SEMA3A: variants seen among roughly 807,000 people sequenced by gnomAD.
SEMA3A encodes the protein semaphorin 3A.
Under a neutral mutation model 97.9 loss-of-function variants are expected in SEMA3A, and 29 were observed. The observed-to-expected ratio is 0.30, with a 90% CI of 0.22 to 0.40. SEMA3A has a LOEUF of 0.40. Among genes scored for constraint, SEMA3A ranks in the 10% least tolerant of loss-of-function variants. The probability of loss-of-function intolerance (pLI) is 1.00; values close to 1 mark genes in which losing one functional copy is unlikely to be tolerated. For synonymous variants in SEMA3A, 321 were observed against 323.7 expected (o/e 0.99, Z 0.09); for missense variants, 763 against 951.3 (o/e 0.80, Z 2.60).
chr7:84,380,273 G>A (rs1803223407), intron 1 of SEMA3A, among the ~76,000 whole-genome samples: 3 of 152,268 alleles, frequency 2.0e-5, no homozygotes, highest in South Asian at 4.1e-4. Flanking sequence ...CAATAAAAAT[G>A]TACATTGTCC....
At chr7:84,352,209 T>A (rs642572) in intron 2 of SEMA3A, among the ~76,000 whole-genome samples, 43,580 of 151,688 alleles carry the variant, frequency 0.29, 6,746 homozygotes, top group African/African-American at 0.38. Context: ...AAAGAGTTGA[T>A]TGACAGTTAC....
chr7:84,476,345 C>G (rs1806280169), intron 1 of SEMA3A, among the ~76,000 whole-genome samples: 1 of 143,732 alleles, frequency 7.0e-6, no homozygotes, highest in African/African-American at 2.6e-5. Context: ...GGTGACAGAG[C>G]AAGACTCCAT....
At chr7:84,137,689 TAAAA>T (rs58880773) in intron 1 of SEMA3A, among the ~76,000 whole-genome samples, 1 of 85,272 alleles carries the variant, frequency 1.2e-5, no homozygotes, top group Admixed American at 1.4e-4. Flanking sequence ...GGCCAAACTT[TAAAA>T]AAAAAAAAAA....
intron 1 of SEMA3A, among the ~76,000 whole-genome samples, chr7:84,373,961 G>A (rs1803036964): frequency 6.6e-6 from 1 of 152,156 alleles, no homozygotes; most frequent in Non-Finnish European, 1.5e-5. Context: ...TAGGTGACAA[G>A]AAGATTAGCA....
At chr7:84,463,202 C>T (rs982929344) in intron 1 of SEMA3A, among the ~76,000 whole-genome samples, 13 of 147,528 alleles carry the variant, frequency 8.8e-5, no homozygotes, top group African/African-American at 3.3e-4. Flanking sequence ...AAAGATTTCA[C>T]CTGCTTATAA....
At chr7:84,221,985 A>G (rs1442909302) in intron 3 of SEMA3A, among the ~76,000 whole-genome samples, 2 of 151,972 alleles carry the variant, frequency 1.3e-5, no homozygotes, top group Non-Finnish European at 2.9e-5. Context: ...GTGAAGCATA[A>G]TAAAACAAGA....
chr7:83,995,462 A>C (rs1211589467), intron 12 of SEMA3A, among the ~76,000 whole-genome samples: 3 of 152,238 alleles, frequency 2.0e-5, no homozygotes. Flanking sequence ...CATTAATTAA[A>C]GGAAACTTAT....
intron 1 of SEMA3A, among the ~76,000 whole-genome samples, chr7:84,490,058 G>GA (rs1485291256): frequency 6.6e-6 from 1 of 151,576 alleles, no homozygotes; most frequent in Non-Finnish European, 1.5e-5. Context: ...CATAATACAT[G>GA]AAAAAATTGT....
chr7:84,404,559 C>A (rs1043312105), intron 1 of SEMA3A, among the ~76,000 whole-genome samples: 2 of 152,120 alleles, frequency 1.3e-5, no homozygotes, highest in African/African-American at 4.8e-5. Flanking sequence ...CAGAGATACT[C>A]CTCGAGAAGA....
intron 5 of SEMA3A, among the ~76,000 whole-genome samples, chr7:84,052,847 T>C (rs895414333): frequency 6.6e-6 from 1 of 151,564 alleles, no homozygotes; most frequent in African/African-American, 2.4e-5. Context: ...CTTGTGGGCA[T>C]TTAGTGCTAT....
At chr7:83,985,395 C>T in intron 13 of SEMA3A, 41 bp downstream of exon 13, 1 of 1,441,176 alleles carries the variant, frequency 6.9e-7, no homozygotes, top group Non-Finnish European at 9.6e-7. Context: ...CCAGAATTAA[C>T]AAAATATTGG....
At chr7:83,993,455 G>A (rs60288102) in intron 12 of SEMA3A, among the ~76,000 whole-genome samples, 4,728 of 149,158 alleles carry the variant, frequency 0.032, 236 homozygotes, top group African/African-American at 0.11. Context: ...GGCTGGTACC[G>A]GTTTTTCCTT....
intron 1 of SEMA3A, among the ~76,000 whole-genome samples, chr7:84,442,175 T>G (rs1170820810): frequency 6.6e-6 from 1 of 152,192 alleles, no homozygotes; most frequent in East Asian, 1.9e-4. Context: ...AATTACAAAA[T>G]TATGTATTTG....
intron 5 of SEMA3A, 21 bp from the exon 6 acceptor site, chr7:84,046,464 A>G (rs746654568): frequency 8.1e-6 from 13 of 1,611,384 alleles, no homozygotes; most frequent in Non-Finnish European, 1.1e-5. Context: ...ACAAAACCAC[A>G]TACACATTCT....
At chr7:84,423,161 C>T (rs1804646346) in intron 1 of SEMA3A, among the ~76,000 whole-genome samples, 1 of 152,012 alleles carries the variant, frequency 6.6e-6, no homozygotes, top group African/African-American at 2.4e-5. Context: ...AAAACATTTT[C>T]TATCAAATAA....
chr7:84,100,951 TC>T (rs1265291692), intron 4 of SEMA3A, among the ~76,000 whole-genome samples: 1 of 152,198 alleles, frequency 6.6e-6, no homozygotes, highest in African/African-American at 2.4e-5. Context: ...TCTCATTACC[TC>T]ATGCTGATTC....
intron 12 of SEMA3A, among the ~76,000 whole-genome samples, chr7:83,997,384 G>GTGT (rs1044096610): frequency 3.3e-5 from 5 of 152,170 alleles, no homozygotes; most frequent in African/African-American, 7.2e-5. Context: ...TGGCTTTAAT[G>GTGT]TGTTGTGGGT....
At chr7:84,413,801 T>C (rs1366499488) in intron 1 of SEMA3A, among the ~76,000 whole-genome samples, 1 of 152,140 alleles carries the variant, frequency 6.6e-6, no homozygotes, top group East Asian at 1.9e-4. Flanking sequence ...AAACAATAAA[T>C]AATGGGATGT....
intron 1 of SEMA3A, among the ~76,000 whole-genome samples, chr7:84,152,303 C>CATGTCTCTT (rs1796696812): frequency 7.1e-6 from 1 of 139,920 alleles, no homozygotes; most frequent in African/African-American, 2.7e-5. Context: ...AAATGTCCAA[C>CATGTCTCTT]AATGATAGAC....
Sources: allele counts gnomAD v4.1 joint callset (sites outside exome capture counted in the v4.1 genomes callset), GRCh38; gene constraint gnomAD v4.1.1; transcripts MANE v1.5; gene names NCBI Gene and HGNC (gene_info 2026-07-23, HGNC 2026-07-21).